Variants in DLC1 observed in about 807,000 individuals in gnomAD.
DLC1 encodes rho GTPase-activating protein 7.
Under a neutral mutation model 140.3 loss-of-function variants are expected in DLC1, and 54 were observed. The observed-to-expected ratio is 0.38, with a 90% CI of 0.31 to 0.48. DLC1 has a LOEUF of 0.48. Among genes scored for constraint, DLC1 ranks in the 20% least tolerant of loss-of-function variants. The pLI is 0.96. For synonymous variants in DLC1, 986 were observed against 728.1 expected (o/e 1.35, Z -5.70); for missense variants, 2,536 against 1,907.0 (o/e 1.33, Z -6.14).
At position 13,567,382 on chromosome 8, in the gene DLC1, A is replaced by C; in HGVS notation, c.-126+37155T>G. 3.2e-6 allele frequency: 5 copies of C among 1,551,694 alleles called. No homozygotes were observed. The South Asian group carries it at 5.9e-5, about 18-fold the overall frequency. The stretch of plus-strand genomic sequence containing the variant: ...GCAGTCTTATTGCACCATGAAGATA[A>C]ATTTGATTCATCGTAGAGGGGATTC... On this transcript the variant is annotated intron_variant, in intron 1 of 1. Coordinates refer to the DLC1 transcript ENST00000631382.
rs1330715012 is a variant in DLC1, at chr8:13,391,118, C to T, written c.1314+2435G>A. ...GGAGTATTTCTTTCTGGGTACTCTT[C>T]ATGGCCTGCTAGAGAACTTTACTAA... On this transcript the variant is annotated intron_variant, in intron 4 of 17. Coordinates refer to ENST00000276297, the MANE Select transcript of DLC1 (RefSeq NM_182643.3). Among the ~76,000 whole-genome samples, 3 of 152,276 alleles carry T rather than the reference C, an allele frequency of 2.0e-5. No individual in the cohort carries two copies. The East Asian group carries it at 5.8e-4, about 29-fold the overall frequency.
intron 3 of DLC1, among the ~76,000 whole-genome samples, chr8:13,397,043 T>C (rs1837076098): frequency 6.6e-6 from 1 of 151,950 alleles, no homozygotes; most frequent in Admixed American, 6.6e-5. Flanking sequence ...ATGCCATTCT[T>C]TGGGAATATA....
intron 14 of DLC1, among the ~76,000 whole-genome samples, chr8:13,090,682 C>T (rs564573392): frequency 3.3e-5 from 5 of 152,266 alleles, no homozygotes; most frequent in Admixed American, 1.3e-4. Context: ...ATCTTATTTC[C>T]ATGTAAGGTC....
chr8:13,271,354 C>T (rs1830924147), intron 5 of DLC1, among the ~76,000 whole-genome samples: 3 of 152,198 alleles, frequency 2.0e-5, no homozygotes, highest in Admixed American at 1.3e-4. Context: ...TCACAGGAGT[C>T]AATGTTTTTG....
At chr8:13,190,845 G>T (rs931142108) in intron 5 of DLC1, among the ~76,000 whole-genome samples, 1 of 152,102 alleles carries the variant, frequency 6.6e-6, no homozygotes, top group Non-Finnish European at 1.5e-5. Context: ...CGCCAAGTGT[G>T]GGGGGAAGTT....
At chr8:13,355,702 GAAC>G (rs913231666) in intron 4 of DLC1, among the ~76,000 whole-genome samples, 1 of 152,104 alleles carries the variant, frequency 6.6e-6, no homozygotes, top group African/African-American at 2.4e-5. Flanking sequence ...AATCACTGTA[GAAC>G]AACATTTGAA....
At chr8:13,102,639 C>A in intron 8 of DLC1, 151 bp downstream of exon 8, 1 of 697,386 alleles carries the variant, frequency 1.4e-6, no homozygotes, top group African/African-American at 1.8e-5. Flanking sequence ...CTACATAAGG[C>A]TATCAAGTCT....
At chr8:13,110,650 G>C in intron 7 of DLC1, 92 bp downstream of exon 7, 1 of 1,238,428 alleles carries the variant, frequency 8.1e-7, no homozygotes. Flanking sequence ...AACACAATTA[G>C]CAAGAACAAA....
intron 5 of DLC1, among the ~76,000 whole-genome samples, chr8:13,202,884 G>A (rs182619687): frequency 3.0e-4 from 46 of 152,100 alleles, no homozygotes; most frequent in Non-Finnish European, 5.7e-4. Flanking sequence ...ATGTTGCCAA[G>A]GCTGGTCTTG....
In DLC1 at chr8:13,088,525, A is replaced by G; in HGVS notation, c.4254T>C (p.Ser1418=). The G allele has an allele frequency of 6.2e-7, 1 of 1,614,232 alleles. No individual in the cohort carries two copies. The highest frequency in any genetic ancestry group is 8.5e-7 in the Non-Finnish European group (1 of 1,180,046). The part of the protein sequence containing the change: ...QTEIYQYVQN[S]MAPHPARDYV... ...AGTCTCGAGCAGGATGAGGTGCCAT[A>G]CTGTTTTGGACATACTGGTAAATTT... is the stretch of plus-strand genomic sequence containing the variant. Residue 1418 remains serine, a synonymous_variant, in exon 16 of 18, where the codon AGT becomes AGC. Coordinates refer to ENST00000276297, the MANE Select transcript of DLC1 (RefSeq NM_182643.3).
chr8:13,292,443 G>T (rs751237929), intron 5 of DLC1, among the ~76,000 whole-genome samples: 17 of 152,222 alleles, frequency 1.1e-4, no homozygotes, highest in Admixed American at 2.0e-4. Context: ...TTTGGTGTTC[G>T]AAAATATTAC....
intron 1 of DLC1, among the ~76,000 whole-genome samples, chr8:13,593,256 T>A (rs1184312290): frequency 6.6e-6 from 1 of 152,122 alleles, no homozygotes; most frequent in African/African-American, 2.4e-5. Flanking sequence ...TTTATCAGCA[T>A]ACCAATTTTA....
intron 5 of DLC1, among the ~76,000 whole-genome samples, chr8:13,130,049 C>T (rs562868754): frequency 6.6e-6 from 1 of 152,300 alleles, no homozygotes; most frequent in Non-Finnish European, 1.5e-5. Context: ...ATCCATTTCA[C>T]CCACTGTACT....
In DLC1 at chr8:13,499,266, A is replaced by G; in HGVS notation, c.806T>C (p.Leu269Ser). The G allele has an allele frequency of 6.2e-7, 1 of 1,614,200 alleles. No individual in the cohort carries two copies. The highest frequency in any genetic ancestry group is 8.5e-7 in the Non-Finnish European group (1 of 1,180,032). ...DTPCTNRGLP[L>S]LKTDFGSCLL... ...GCAGCTTCCAAAATCTGTTTTTAAT[A>G]ATGGCAGTCCTCTGTTTGTGCAAGG... is the stretch of plus-strand genomic sequence containing the variant. The change falls in exon 2 of 18, where the codon TTA becomes TCA. Residue 269 changes from leucine to serine, a missense_variant. By Grantham distance (145) the Leu-to-Ser change is moderately radical. Coordinates refer to ENST00000276297, the MANE Select transcript of DLC1 (RefSeq NM_182643.3).
chr8:13,176,004 T>C (rs1825741397), intron 5 of DLC1, among the ~76,000 whole-genome samples: 1 of 152,224 alleles, frequency 6.6e-6, no homozygotes, highest in Non-Finnish European at 1.5e-5. Context: ...TGGAGAATAA[T>C]TTATCTACTT....
At chr8:13,393,122 A>G (rs889052651) in intron 4 of DLC1, among the ~76,000 whole-genome samples, 2 of 151,880 alleles carry the variant, frequency 1.3e-5, no homozygotes, top group African/African-American at 4.8e-5. Flanking sequence ...TTATCAATCA[A>G]TCAGTCTATC....
intron 4 of DLC1, among the ~76,000 whole-genome samples, chr8:13,362,799 C>A (rs552814790): frequency 5.9e-5 from 9 of 152,100 alleles, no homozygotes; most frequent in Admixed American, 5.9e-4. Flanking sequence ...TGTCTCAGGG[C>A]CTTTGCCCCG....
At chr8:13,366,154 A>G (rs1225178276) in intron 4 of DLC1, among the ~76,000 whole-genome samples, 1 of 152,186 alleles carries the variant, frequency 6.6e-6, no homozygotes, top group Admixed American at 6.5e-5. Flanking sequence ...GCTGTTTAAC[A>G]CTGGGTTCCT....
chr8:13,466,195 G>A (rs887184516), intron 2 of DLC1, among the ~76,000 whole-genome samples: 5 of 152,020 alleles, frequency 3.3e-5, no homozygotes, highest in African/African-American at 1.2e-4. Context: ...TAACACCCCG[G>A]GCCCCAATAA....
Sources: gnomAD v4.1 joint callset for allele counts (sites outside exome capture counted in the v4.1 genomes callset) on GRCh38, gnomAD v4.1.1 for gene constraint, MANE v1.5 for transcripts, NCBI Gene and HGNC (gene_info 2026-07-23, HGNC 2026-07-21) for gene names.